DMXL1: variants seen among roughly 807,000 people sequenced by gnomAD.
DMXL1 encodes dmX-like protein 1.
Under a neutral mutation model 319.2 loss-of-function variants are expected in DMXL1, and 99 were observed. The observed-to-expected ratio is 0.31, with a 90% CI of 0.26 to 0.37. The LOEUF is 0.37. Ranked by LOEUF, DMXL1 falls within the 10% of genes least tolerant of loss-of-function variation. The pLI is 1.00. For synonymous variants in DMXL1, 1,385 were observed against 1,235.2 expected, an observed-to-expected ratio of 1.12 and a Z score of -2.54; for missense variants, 3,745 against 3,595.6, an observed-to-expected ratio of 1.04 and a Z score of -1.06.
rs532443644 is a variant in DMXL1 at position 119,122,301 on chromosome 5, C to T, written c.1102+1162C>T. ...CCTCCCTCCCGGACGGGGCGGCTGG[C>T]CGGGCGGGGGGCTGACCCCCCCACC... is the stretch of plus-strand genomic sequence containing the variant. On this transcript the variant is annotated intron_variant, in intron 9 of 43. Transcript: ENST00000539542. 2.3e-3 allele frequency among the ~76,000 whole-genome samples: 341 copies of T among 147,588 alleles called. 1 individual carries two copies. The highest frequency in any genetic ancestry group is 8.1e-3 in the African/African-American group (325 of 39,962).
At chr5:119,134,905 G>A (rs1765660718) in intron 13 of DMXL1, among the ~76,000 whole-genome samples, 1 of 152,206 alleles carries the variant, frequency 6.6e-6, no homozygotes. Flanking sequence ...CAACAAGCAA[G>A]CGTTTCCACT....
Position 119,216,025 on chromosome 5 carries a change from G to A in DMXL1, c.7927-876G>A, listed in dbSNP as rs931009161. ...GCAGGAGAATTGCTTAAACCTGGGAGGCAGAGGTTGCAGTGAGCTGAGACT... is the reference window on the plus strand; with the variant it reads ...GCAGGAGAATTGCTTAAACCTGGGAAGCAGAGGTTGCAGTGAGCTGAGACT... On this transcript the variant is annotated intron_variant, in intron 34 of 43. Coordinates refer to ENST00000539542, the MANE Select transcript of DMXL1 (RefSeq NM_001290321.3). Among the ~76,000 whole-genome samples the A allele has an allele frequency of 6.2e-5, 9 of 146,260 alleles. No individual in the cohort carries two copies. In the South Asian group the frequency reaches 1.3e-3, roughly 21 times the overall value.
At chr5:119,210,745 CTTT>C (rs1276697384) in intron 34 of DMXL1, among the ~76,000 whole-genome samples, 3 of 99,312 alleles carry the variant, frequency 3.0e-5, no homozygotes, top group African/African-American at 7.3e-5. Context: ...GTTCTTTTTT[CTTT>C]TTTCTTTCGT....
At chr5:119,129,914 T>C (rs1428119663) in intron 10 of DMXL1, among the ~76,000 whole-genome samples, 1 of 152,168 alleles carries the variant, frequency 6.6e-6, no homozygotes, top group African/African-American at 2.4e-5. Flanking sequence ...TCAGCTACCT[T>C]GATTGACGCA....
Position 119,189,830 on chromosome 5 carries a change from G to A in DMXL1, c.7258G>A (p.Val2420Ile), listed in dbSNP as rs1393697115. 2 of 1,614,082 alleles carry A rather than the reference G, an allele frequency of 1.2e-6. No homozygotes were observed. The highest frequency in any genetic ancestry group is 3.3e-5 in the Admixed American group (2 of 60,026). The change falls in exon 29 of 44, where the codon GTT becomes ATT. Residue 2420 changes from valine to isoleucine, a missense_variant. Around this residue, in one of 4 missense-constraint regions of DMXL1, gnomAD observed 1,382 missense variants for 1,269.5 expected, o/e 1.09. Transcript: ENST00000539542. ...SAPVSQESLA[V>I]KEKFIPPELS... is the part of the protein sequence containing the mutation. Reference sequence around the variant, plus strand: ...ACCAGTAAGCCAGGAGTCACTGGCGGTTAAAGAAAAGTTCATCCCACCTGA... The same window carrying A: ...ACCAGTAAGCCAGGAGTCACTGGCGATTAAAGAAAAGTTCATCCCACCTGA...
At chr5:119,193,127 G>A (rs1017908260) in intron 29 of DMXL1, among the ~76,000 whole-genome samples, 10 of 151,990 alleles carry the variant, frequency 6.6e-5, no homozygotes, top group African/African-American at 1.9e-4. Context: ...GAGAGTGATC[G>A]TAGTGATATA....
intron 19 of DMXL1, among the ~76,000 whole-genome samples, chr5:119,156,630 C>G (rs923838870): frequency 9.2e-5 from 14 of 151,822 alleles, no homozygotes; most frequent in Admixed American, 9.2e-4. Context: ...ATTGGTGGAT[C>G]ATGTGGTAAT....
chr5:119,111,340 C>T (rs922399601), intron 5 of DMXL1, among the ~76,000 whole-genome samples: 1 of 152,048 alleles, frequency 6.6e-6, no homozygotes, highest in Non-Finnish European at 1.5e-5. Context: ...ATGTGCTGGA[C>T]TTCAAAAATT....
At chr5:119,231,317 A>G (rs1786680269) in intron 38 of DMXL1, among the ~76,000 whole-genome samples, 1 of 152,160 alleles carries the variant, frequency 6.6e-6, no homozygotes, top group Non-Finnish European at 1.5e-5. Flanking sequence ...GAATTCCTTA[A>G]ATTCAGATGA....
rs1768818820 is a variant in DMXL1, at chr5:119,147,406, G to A, written c.2847G>A (p.Met949Ile). 1 of 1,613,502 alleles carries A rather than the reference G, an allele frequency of 6.2e-7. No homozygotes were observed. The highest frequency in any genetic ancestry group is 1.3e-5 in the African/African-American group (1 of 74,992). ...GCAGGTTGACTCTGTTTTCAGAAAT[G>A]GTTTATAGCCAAGAATTGCATTTAC... ...STSRLTLFSE[M>I]VYSQELHLPE... The change falls in exon 17 of 44, where the codon ATG becomes ATA. Residue 949 changes from methionine (M) to isoleucine (I), a missense_variant. Met to Ile is a conservative substitution (Grantham distance 10). Coordinates refer to ENST00000539542, the MANE Select transcript of DMXL1 (RefSeq NM_001290321.3).
chr5:119,140,533 T>C lies in DMXL1; in HGVS notation c.2377-3308T>C, dbSNP rs531612126. Among the ~76,000 whole-genome samples, 3 of 152,192 alleles carry C rather than the reference T, an allele frequency of 2.0e-5. No homozygotes were observed. The East Asian group carries it at 5.8e-4, about 29-fold the overall frequency. On this transcript the variant is annotated intron_variant, in intron 13 of 43. Transcript: ENST00000539542. ...CAAGGGATGGATAAATTCCTGGACA[T>C]ATACCCCCTCCTAAGACTGAACCAG...
chr5:119,160,138 G>GATATAT (rs142981852), intron 19 of DMXL1, among the ~76,000 whole-genome samples: 4 of 149,448 alleles, frequency 2.7e-5, no homozygotes, highest in Non-Finnish European at 4.5e-5. Context: ...ATTTGACAGA[G>GATATAT]ATATATATAT....
intron 35 of DMXL1, 25 bp from the exon 36 acceptor site, chr5:119,220,447 A>G: frequency 1.2e-6 from 2 of 1,609,762 alleles, no homozygotes; most frequent in Non-Finnish European, 1.7e-6. Context: ...TTGCTTTTAA[A>G]ATTACCATTT....
At chr5:119,123,430 G>A (rs1313547096) in intron 9 of DMXL1, among the ~76,000 whole-genome samples, 2 of 137,816 alleles carry the variant, frequency 1.5e-5, no homozygotes, top group Non-Finnish European at 3.2e-5. Context: ...GAGAGGGAGA[G>A]GAGGGAGAGG....
chr5:119,122,444 C>A (rs1212431918), intron 9 of DMXL1, among the ~76,000 whole-genome samples: 1 of 147,256 alleles, frequency 6.8e-6, no homozygotes, highest in East Asian at 2.0e-4. Flanking sequence ...GGGGGGCTAA[C>A]CCCCCCCACC....
chr5:119,090,276 C>T (rs889877197), intron 1 of DMXL1, among the ~76,000 whole-genome samples: 2 of 151,762 alleles, frequency 1.3e-5, no homozygotes, highest in African/African-American at 4.8e-5. Flanking sequence ...CTGCCTCAAC[C>T]TCCCAAAGTA....
intron 4 of DMXL1, among the ~76,000 whole-genome samples, chr5:119,109,038 T>TG (rs1758981205): frequency 2.0e-5 from 3 of 150,492 alleles, no homozygotes; most frequent in Admixed American, 6.6e-5. Flanking sequence ...CGACCTCAGG[T>TG]GATCCACCCG....
chr5:119,165,286 T>TAA lies in DMXL1; in HGVS notation c.4970+23_4970+24dup, dbSNP rs11301800. 1.5e-3 allele frequency: 1,292 copies of TAA among 883,894 alleles called. No homozygotes were observed. Among genetic ancestry groups the TAA allele is most frequent in the South Asian group, 2.9e-3 (150 of 51,450 alleles). The allele number at this position is 883,894 out of a possible 1,614,324, so 54.8% of individuals were successfully genotyped here. A position where few individuals can be genotyped will look rare whatever the true frequency, so the allele number is the denominator to read the frequency against. On this transcript the variant is annotated splice_region_variant and intron_variant, in intron 21 of 43. Coordinates refer to ENST00000539542, the MANE Select transcript of DMXL1 (RefSeq NM_001290321.3). ...GTGATTTGGGGATTATATAGGTAGGTAAAAAAAAAAAAAAAAAAGGGTGCT... is the reference window on the plus strand; with the variant it reads ...GTGATTTGGGGATTATATAGGTAGGTAAAAAAAAAAAAAAAAAAAAGGGTGCT...
chr5:119,201,635 G>A (rs751665204), intron 32 of DMXL1, among the ~76,000 whole-genome samples: 1 of 152,148 alleles, frequency 6.6e-6, no homozygotes. Context: ...TATAGTTTTA[G>A]TATGAATGGT....
Sources: allele counts gnomAD v4.1 joint callset (sites outside exome capture counted in the v4.1 genomes callset), GRCh38; gene constraint gnomAD v4.1.1; regional missense constraint gnomAD v4.1.1; transcripts MANE v1.5; gene names NCBI Gene and HGNC (gene_info 2026-07-23, HGNC 2026-07-21).